PKNOX2: variants seen among roughly 807,000 people sequenced by gnomAD.
PKNOX2 encodes PBX/knotted 1 homeobox 2.
In PKNOX2, 14 loss-of-function variants were observed where a neutral mutation model predicts 53.1. That is an observed-to-expected ratio of 0.26 (90% CI 0.17 to 0.41). PKNOX2 has a LOEUF of 0.41. Among genes scored for constraint, PKNOX2 ranks in the 10% least tolerant of loss-of-function variants. PKNOX2 has a pLI of 1.00. For synonymous variants in PKNOX2, 257 were observed against 242.8 expected (o/e 1.06, Z -0.54); for missense variants, 496 against 602.8 (o/e 0.82, Z 1.85).
intron 1 of PKNOX2, among the ~76,000 whole-genome samples, chr11:125,179,658 G>A (rs1288035735): frequency 6.6e-6 from 1 of 152,104 alleles, no homozygotes; most frequent in Non-Finnish European, 1.5e-5. Flanking sequence ...CTCTGAAGCA[G>A]GGCTGCACCT....
intron 2 of PKNOX2, among the ~76,000 whole-genome samples, chr11:125,237,487 A>G (rs1942804122): frequency 6.6e-6 from 1 of 152,202 alleles, no homozygotes; most frequent in African/African-American, 2.4e-5. Context: ...GTCTACCACA[A>G]TTGGTACTCA....
chr11:125,213,127 C>T (rs1051222011), intron 1 of PKNOX2, among the ~76,000 whole-genome samples: 1 of 152,090 alleles, frequency 6.6e-6, no homozygotes, highest in African/African-American at 2.4e-5. Context: ...CTTCTAAATC[C>T]AGGCTCTAGA....
At chr11:125,372,178 C>T (rs758193434) in intron 5 of PKNOX2, among the ~76,000 whole-genome samples, 9 of 152,144 alleles carry the variant, frequency 5.9e-5, no homozygotes, top group Non-Finnish European at 1.0e-4. Context: ...TGCCGGCAAA[C>T]GTCTCTCGAG....
In PKNOX2 at chr11:125,370,116, C is replaced by T. The variant is rs749837470; in HGVS notation, c.227+2131C>T. Among the ~76,000 whole-genome samples the T allele has an allele frequency of 6.6e-6, 1 of 152,072 alleles. No homozygotes were observed. Among genetic ancestry groups the T allele is most frequent in the Non-Finnish European group, 1.5e-5 (1 of 68,006 alleles). ...AAAGCCCTCCAGATGAGTGGTGTAA[C>T]GAATAGTTTTTGGAAACCTAGGTTT... On this transcript the variant is annotated intron_variant, in intron 5 of 12. Transcript: ENST00000298282. The surrounding 1 kb of genome is among the most constrained non-coding windows in gnomAD (Gnocchi z 4.1).
At chr11:125,304,108 C>T (rs912266537) in intron 2 of PKNOX2, among the ~76,000 whole-genome samples, 1 of 152,146 alleles carries the variant, frequency 6.6e-6, no homozygotes, top group African/African-American at 2.4e-5. Flanking sequence ...CTGATGGATC[C>T]GGGAAACACC....
intron 2 of PKNOX2, among the ~76,000 whole-genome samples, chr11:125,237,684 G>C (rs1942823995): frequency 6.6e-6 from 1 of 152,236 alleles, no homozygotes; most frequent in Admixed American, 6.5e-5. Context: ...GCCAGGCAAG[G>C]ATTCCTTCCT....
intron 1 of PKNOX2, among the ~76,000 whole-genome samples, chr11:125,191,790 CTGGCGT>C (rs1956893925): frequency 6.6e-6 from 1 of 152,174 alleles, no homozygotes; most frequent in Non-Finnish European, 1.5e-5. Flanking sequence ...CCTGACTGCA[CTGGCGT>C]TGAAAAGCGT....
At chr11:125,173,550 A>G (rs1955480201) in intron 1 of PKNOX2, among the ~76,000 whole-genome samples, 1 of 152,196 alleles carries the variant, frequency 6.6e-6, no homozygotes, top group African/African-American at 2.4e-5. Context: ...CTCCTCCATT[A>G]CTCGAATCTT....
intron 2 of PKNOX2, among the ~76,000 whole-genome samples, chr11:125,247,243 G>C (rs556433625): frequency 1.3e-5 from 2 of 152,090 alleles, no homozygotes; most frequent in South Asian, 4.2e-4. Flanking sequence ...TCTTTGCCTC[G>C]AATGCCCTCT....
rs1373056006 is a variant in PKNOX2, at chr11:125,298,775, G to A, written c.-129-33044G>A. Among the ~76,000 whole-genome samples the A allele has an allele frequency of 3.3e-5, 5 of 152,318 alleles. No homozygotes were observed. The East Asian group carries it at 5.8e-4, about 18-fold the overall frequency. Reference sequence around the variant, plus strand: ...AAACAGTGGCCTCAGACTTTGGCTCGTGACCTTGACGTATTCCCGGGGTCT... The same window carrying A: ...AAACAGTGGCCTCAGACTTTGGCTCATGACCTTGACGTATTCCCGGGGTCT... On this transcript the variant is annotated intron_variant, in intron 2 of 12. Coordinates refer to ENST00000298282, the MANE Select transcript of PKNOX2 (RefSeq NM_001382323.2).
chr11:125,227,227 C>T (rs943104994), intron 1 of PKNOX2, among the ~76,000 whole-genome samples: 8 of 152,152 alleles, frequency 5.3e-5, no homozygotes, highest in Non-Finnish European at 1.2e-4. Context: ...GAATGGGTTG[C>T]TAGATGGTGC....
At chr11:125,324,903 G>A (rs1285550049) in intron 2 of PKNOX2, among the ~76,000 whole-genome samples, 1 of 152,186 alleles carries the variant, frequency 6.6e-6, no homozygotes, top group Non-Finnish European at 1.5e-5. Context: ...GACCACTGGG[G>A]AAAGGGATGG....
chr11:125,242,504 T>G (rs1454039391), intron 2 of PKNOX2, among the ~76,000 whole-genome samples: 1 of 152,080 alleles, frequency 6.6e-6, no homozygotes, highest in Admixed American at 6.5e-5. Flanking sequence ...GGGGCCTGAG[T>G]GGTGCACAGG....
intron 10 of PKNOX2, among the ~76,000 whole-genome samples, chr11:125,428,283 T>A (rs1418402121): frequency 6.6e-6 from 1 of 152,026 alleles, no homozygotes; most frequent in Admixed American, 6.5e-5. Context: ...AGTGGCATCA[T>A]GAAGCAATGG....
intron 2 of PKNOX2, among the ~76,000 whole-genome samples, chr11:125,259,964 G>C (rs1340399671): frequency 6.6e-6 from 1 of 151,060 alleles, no homozygotes; most frequent in African/African-American, 2.4e-5. Context: ...GTACCCTCCA[G>C]CTCCTGGGCT....
intron 6 of PKNOX2, among the ~76,000 whole-genome samples, chr11:125,389,762 A>G (rs896684811): frequency 2.0e-5 from 3 of 152,224 alleles, no homozygotes; most frequent in Non-Finnish European, 4.4e-5. Context: ...CCGTGGCTGT[A>G]AAACGTACGG....
rs1956217374 is a variant in PKNOX2, at chr11:125,422,416, C to T, written c.937-6596C>T. Among the ~76,000 whole-genome samples the T allele has an allele frequency of 1.3e-5, 2 of 152,144 alleles. No individual in the cohort carries two copies. Among genetic ancestry groups the T allele is most frequent in the African/African-American group, 2.4e-5 (1 of 41,418 alleles). On this transcript the variant is annotated intron_variant, in intron 10 of 12. Transcript: ENST00000298282. The surrounding 1 kb of genome is among the most constrained non-coding windows in gnomAD (Gnocchi z 4.1). The stretch of plus-strand genomic sequence containing the variant: ...GTGGGGTGAGAGTGTTTTCTCCACC[C>T]ATCCTTCGCTGTAGGGATCTAGAGA...
At chr11:125,394,276 A>G (rs1006233987) in intron 6 of PKNOX2, among the ~76,000 whole-genome samples, 8 of 152,328 alleles carry the variant, frequency 5.3e-5, no homozygotes, top group African/African-American at 1.9e-4. Context: ...ACTTAACTCC[A>G]CTTTGGGGTC....
intron 2 of PKNOX2, among the ~76,000 whole-genome samples, chr11:125,310,050 C>T (rs1340906831): frequency 6.6e-6 from 1 of 152,194 alleles, no homozygotes; most frequent in Non-Finnish European, 1.5e-5. Flanking sequence ...TGTCATACTG[C>T]TTACTGAAAT....
Sources: gnomAD v4.1 joint callset for allele counts (sites outside exome capture counted in the v4.1 genomes callset) on GRCh38, gnomAD v4.1.1 for gene constraint, Gnocchi (gnomAD v3.1) non-coding constraint, MANE v1.5 for transcripts, NCBI Gene and HGNC (gene_info 2026-07-23, HGNC 2026-07-21) for gene names.